Variants in TTC28 observed in about 807,000 individuals in gnomAD.
TTC28 encodes the protein tetratricopeptide repeat protein 28.
Under a neutral mutation model 198.0 loss-of-function variants are expected in TTC28, and 61 were observed. The observed-to-expected ratio is 0.31, with a 90% CI of 0.25 to 0.38. The LOEUF is 0.38. Among genes scored for constraint, TTC28 ranks in the 10% least tolerant of loss-of-function variants. The pLI, the probability that TTC28 is intolerant of heterozygous loss-of-function variation, is 1.00. For missense variants in TTC28, 2,678 were observed against 3,164.0 expected (o/e 0.85, Z 3.69); for synonymous variants, 1,171 against 1,297.8 (o/e 0.90, Z 2.10).
At chr22:28,175,261 A>G (rs1008483443) in intron 5 of TTC28, among the ~76,000 whole-genome samples, 13 of 152,202 alleles carry the variant, frequency 8.5e-5, no homozygotes, top group African/African-American at 3.1e-4. Context: ...AAACAGATAA[A>G]TGAGATTACC....
intron 2 of TTC28, among the ~76,000 whole-genome samples, chr22:28,570,158 C>G (rs2050038697): frequency 6.6e-6 from 1 of 152,154 alleles, no homozygotes; most frequent in East Asian, 1.9e-4. Flanking sequence ...GGAGATTTCT[C>G]AAATAACTTA....
chr22:28,011,880 T>A (rs1484316757), intron 14 of TTC28, among the ~76,000 whole-genome samples: 1 of 152,166 alleles, frequency 6.6e-6, no homozygotes, highest in East Asian at 1.9e-4. Flanking sequence ...CCAGTCTCCA[T>A]CTTTGCCCTC....
chr22:28,136,384 C>T (rs532061880), intron 6 of TTC28, among the ~76,000 whole-genome samples: 11 of 152,218 alleles, frequency 7.2e-5, no homozygotes, highest in African/African-American at 2.4e-4. Context: ...TGGCCTCAAG[C>T]GATCCTCCTG....
intron 1 of TTC28, among the ~76,000 whole-genome samples, chr22:28,649,984 G>A (rs2051540118): frequency 6.6e-6 from 1 of 152,044 alleles, no homozygotes; most frequent in Admixed American, 6.6e-5. Flanking sequence ...CTTTGTGAGA[G>A]GGGAACCAGT....
At chr22:28,244,048 A>G (rs1601523972) in intron 5 of TTC28, among the ~76,000 whole-genome samples, 2 of 152,332 alleles carry the variant, frequency 1.3e-5, no homozygotes, top group East Asian at 3.9e-4. Context: ...GATGTCACTG[A>G]TTATTAGATA....
At chr22:28,433,809 GA>G (rs35863111) in intron 2 of TTC28, among the ~76,000 whole-genome samples, 4 of 151,444 alleles carry the variant, frequency 2.6e-5, no homozygotes, top group Non-Finnish European at 4.4e-5. Context: ...GTTACTGGGG[GA>G]AAAAAAAGGC....
intron 2 of TTC28, among the ~76,000 whole-genome samples, chr22:28,448,398 G>T (rs899536966): frequency 2.6e-5 from 4 of 152,120 alleles, no homozygotes; most frequent in African/African-American, 9.7e-5. Flanking sequence ...AAGGATAAAT[G>T]CCTGAAAAGG....
At chr22:28,161,744 AGGACAGGAC>A (rs1921215558) in intron 6 of TTC28, among the ~76,000 whole-genome samples, 2 of 140,784 alleles carry the variant, frequency 1.4e-5, no homozygotes, top group Non-Finnish European at 3.1e-5. Context: ...AGGACAGGAC[AGGACAGGAC>A]AGGAAAGGAA....
chr22:28,514,266 T>C (rs1246365786), intron 2 of TTC28, among the ~76,000 whole-genome samples: 1 of 152,222 alleles, frequency 6.6e-6, no homozygotes, highest in East Asian at 1.9e-4. Context: ...ATTATATTCT[T>C]TCTGATATAT....
In TTC28 at chr22:28,629,780, C is replaced by T. The variant is rs1246973732; in HGVS notation, c.153G>A (p.Pro51=). Residue 51 remains proline (P), a synonymous_variant, in exon 2 of 23, where the codon CCG becomes CCA. Transcript: ENST00000397906. Reference sequence around the variant, plus strand: ...CAACAAATTCAGCTTTGCTCAGTACCGGTCCATCAGGACTTCTCTGGCCAA... The same window carrying T: ...CAACAAATTCAGCTTTGCTCAGTACTGGTCCATCAGGACTTCTCTGGCCAA... ...DTIGQRSPDG[P]VLSKAEFVEK... The T allele has an allele frequency of 8.4e-6, 13 of 1,551,550 alleles. No individual in the cohort carries two copies. Among genetic ancestry groups the T allele is most frequent in the South Asian group, 3.6e-5 (3 of 84,050 alleles).
intron 12 of TTC28, among the ~76,000 whole-genome samples, chr22:28,067,697 G>A (rs1039780015): frequency 6.6e-6 from 1 of 152,130 alleles, no homozygotes; most frequent in Non-Finnish European, 1.5e-5. Context: ...GTGAATAAAT[G>A]GGTTAAAAAT....
At chr22:28,112,663 G>A (rs528255900) in intron 6 of TTC28, among the ~76,000 whole-genome samples, 20 of 152,264 alleles carry the variant, frequency 1.3e-4, no homozygotes, top group Non-Finnish European at 2.2e-4. Flanking sequence ...ACTTAAAAGC[G>A]GCCCCAGAGC....
intron 5 of TTC28, among the ~76,000 whole-genome samples, chr22:28,194,701 C>T (rs1925219147): frequency 3.4e-5 from 5 of 147,066 alleles, no homozygotes; most frequent in Admixed American, 3.4e-4. Flanking sequence ...GGATAAATTC[C>T]TCAACAAATA....
chr22:28,133,745 A>G (rs983871264), intron 6 of TTC28, among the ~76,000 whole-genome samples: 14 of 152,208 alleles, frequency 9.2e-5, no homozygotes, highest in African/African-American at 3.4e-4. Flanking sequence ...ACCATAGCTC[A>G]AGGAGGCCTG....
chr22:28,484,963 T>A (rs1358292506), intron 2 of TTC28, among the ~76,000 whole-genome samples: 2 of 152,188 alleles, frequency 1.3e-5, no homozygotes, highest in African/African-American at 4.8e-5. Flanking sequence ...CTAGAATGGT[T>A]CTCAAAGTCC....
intron 2 of TTC28, among the ~76,000 whole-genome samples, chr22:28,421,875 C>G (rs2047259779): frequency 6.8e-6 from 1 of 146,012 alleles, no homozygotes; most frequent in African/African-American, 2.6e-5. Context: ...GCGGAGGTTG[C>G]AGTGAGCAGA....
chr22:28,652,204 T>A (rs1181142197), intron 1 of TTC28, among the ~76,000 whole-genome samples: 2 of 152,196 alleles, frequency 1.3e-5, no homozygotes, highest in Non-Finnish European at 1.5e-5. Flanking sequence ...ATACATATTT[T>A]AAAAAACAGA....
In TTC28 at chr22:27,983,134, T is replaced by C. The variant is rs1246082567; in HGVS notation, c.6533A>G (p.Glu2178Gly). 1 of 1,551,770 alleles carries C rather than the reference T, an allele frequency of 6.4e-7. No homozygotes were observed. Among genetic ancestry groups the C allele is most frequent in the Non-Finnish European group, 8.7e-7 (1 of 1,147,018 alleles). The change falls in exon 23 of 23, where the codon GAG (glutamate) becomes GGG (glycine). Residue 2178 changes from glutamate (E) to glycine (G), a missense_variant. Coordinates refer to ENST00000397906, the MANE Select transcript of TTC28 (RefSeq NM_001145418.2). ...EETQSHLIAV[E>G]RLQRSGGQVS... is the part of the protein sequence containing the mutation. ...CTGGCCGCCGCTCCTCTGAAGACGC[T>C]CCACCGCAATGAGATGACTCTGTGT...
intron 2 of TTC28, among the ~76,000 whole-genome samples, chr22:28,346,443 G>A (rs71325290): frequency 0.04 from 6,055 of 152,204 alleles, 154 homozygotes; most frequent in African/African-American, 0.058. Flanking sequence ...GGAAAATTCC[G>A]AAAGCTAAGA....
Sources: allele counts gnomAD v4.1 joint callset (sites outside exome capture counted in the v4.1 genomes callset), GRCh38; gene constraint gnomAD v4.1.1; transcripts MANE v1.5; gene names NCBI Gene and HGNC (gene_info 2026-07-23, HGNC 2026-07-21).